Variants in MYL9 observed in about 807,000 individuals in gnomAD.
The protein encoded by MYL9 is myosin light chain 9.
A neutral mutation model predicts 12.8 loss-of-function variants in MYL9; 7 were observed. The ratio of observed to expected loss-of-function variants is 0.55; its 90% confidence interval spans 0.31 to 1.03. The LOEUF is 1.03. MYL9 is among the 50% of genes least tolerant of loss of function. The pLI, the probability that MYL9 is intolerant of heterozygous loss-of-function variation, is 0.05. For synonymous variants in MYL9, 81 were observed against 87.8 expected (o/e 0.92, Z 0.43); for missense variants, 190 against 242.7 (o/e 0.78, Z 1.44).
At chr20:36,545,964 G>A (rs1293054841) in intron 2 of MYL9, among the ~76,000 whole-genome samples, 6 of 152,186 alleles carry the variant, frequency 3.9e-5, no homozygotes, top group African/African-American at 9.7e-5. Flanking sequence ...CTAAATGAAA[G>A]TGTGAACTGC....
intron 1 of MYL9, 22 bp from the exon 2 acceptor site, chr20:36,544,837 C>T: frequency 6.3e-7 from 1 of 1,576,938 alleles, no homozygotes; most frequent in Non-Finnish European, 8.6e-7. Context: ...CAGGGCCACC[C>T]AACCCCCACC....
chr20:36,548,927 C>T (rs1045012993), intron 3 of MYL9, 150 bp from the exon 4 acceptor site: 28 of 812,242 alleles, frequency 3.4e-5, no homozygotes, highest in African/African-American at 8.7e-5. Context: ...CCTCCTGCCA[C>T]GTCCTCATTC....
intron 1 of MYL9, among the ~76,000 whole-genome samples, chr20:36,544,205 T>G (rs1440760310): frequency 6.6e-6 from 1 of 152,146 alleles, no homozygotes; most frequent in East Asian, 1.9e-4. Context: ...AGGATCAGTC[T>G]GTGACCACTC....
chr20:36,542,697 G>T (rs1310833102), intron 1 of MYL9, among the ~76,000 whole-genome samples: 1 of 152,116 alleles, frequency 6.6e-6, no homozygotes, highest in African/African-American at 2.4e-5. Context: ...TGTCTTCCAG[G>T]TGGCCCCTCC....
In MYL9 at chr20:36,548,303, G is replaced by A. The variant is rs545002758; in HGVS notation, c.346+110G>A. ...AGACATCACCCATCTCCCAGGTTCT[G>A]TCACCAGAACTATAAAAGCCAGGCC... On this transcript the variant is annotated intron_variant, in intron 3 of 3. Transcript: ENST00000279022. The A allele has an allele frequency of 2.2e-6, 3 of 1,393,488 alleles. No homozygotes were observed. In the South Asian group the frequency reaches 4.5e-5, roughly 21 times the overall value. 86.3% of individuals were successfully genotyped at this position (1,393,488 alleles called of 1,614,324 possible). A position where few individuals can be genotyped will look rare whatever the true frequency, so the allele number is the denominator to read the frequency against.
rs1323391379 is a variant in MYL9 at position 36,550,811 on chromosome 20, G to C, written c.*1562G>C. 1 of 152,476 alleles carries C rather than the reference G, an allele frequency of 6.6e-6. No individual in the cohort carries two copies. Among genetic ancestry groups the C allele is most frequent in the African/African-American group, 2.4e-5 (1 of 41,452 alleles). 9.4% of individuals were successfully genotyped at this position (152,476 alleles called of 1,614,324 possible). ...CGAGACCCGAACAAGTTCCAAACCA[G>C]GCCCAAATAGTATCCCAAACTCAGT... On this transcript the variant is annotated 3_prime_UTR_variant, in exon 4 of 4. Transcript: ENST00000279022.
chr20:36,545,312 ACG>A (rs2038083112), intron 2 of MYL9, among the ~76,000 whole-genome samples: 1 of 151,764 alleles, frequency 6.6e-6, no homozygotes, highest in East Asian at 1.9e-4. Context: ...CCTGGCTAAC[ACG>A]GTGAAACCCT....
chr20:36,546,376 G>A (rs1373373862), intron 2 of MYL9, among the ~76,000 whole-genome samples: 1 of 152,184 alleles, frequency 6.6e-6, no homozygotes, highest in Non-Finnish European at 1.5e-5. Flanking sequence ...CTCGAGCTTT[G>A]AGGCCAGAGA....
Position 36,548,191 on chromosome 20 carries a change from C to G in MYL9, c.344C>G (p.Ser115Ter). 6.2e-7 allele frequency: 1 copy of G among 1,607,894 alleles called. No homozygotes were observed. Among genetic ancestry groups the G allele is most frequent in the Non-Finnish European group, 8.5e-7 (1 of 1,176,018 alleles). Residue 115 changes from serine (S) to a stop codon, truncating the protein, a stop_gained and splice_region_variant, in exon 3 of 4, where the codon TCA becomes TGA. Transcript: ENST00000279022. LOFTEE classifies it high-confidence loss of function. ...TTTGCCTGCTTCGACGAGGAAGCCT[C>G]AGGTCCGTGGCGCCCCCTACCACCA... ...NAFACFDEEASGFIHEDHLRE... is the reference protein window; with the variant it reads ...NAFACFDEEA
chr20:36,549,139 G>T lies in MYL9; in HGVS notation c.409G>T (p.Glu137Ter). The stretch of plus-strand genomic sequence containing the variant: ...CACCATGGGTGACCGCTTCACAGAT[G>T]AGGAAGTGGACGAGATGTACCGGGA... Reference protein sequence around the residue: ...LTTMGDRFTDEEVDEMYREAP... With the variant: ...LTTMGDRFTD The change falls in exon 4 of 4, where the codon GAG (glutamate) becomes TAG (stop). Residue 137 changes from glutamate to a stop codon, truncating the protein, a stop_gained. Transcript: ENST00000279022. LOFTEE classifies it high-confidence loss of function. The T allele has an allele frequency of 6.2e-7, 1 of 1,613,860 alleles. No individual in the cohort carries two copies. Among genetic ancestry groups the T allele is most frequent in the Non-Finnish European group, 8.5e-7 (1 of 1,180,004 alleles).
rs1353444100 is a variant in MYL9 at position 36,549,139 on chromosome 20, G to A, written c.409G>A (p.Glu137Lys). The change falls in exon 4 of 4, where the codon GAG (glutamate) becomes AAG (lysine). Residue 137 changes from glutamate (E) to lysine (K), a missense_variant. By Grantham distance (56) the Glu-to-Lys change is moderately conservative. Coordinates refer to ENST00000279022, the MANE Select transcript of MYL9 (RefSeq NM_006097.5). ...CACCATGGGTGACCGCTTCACAGAT[G>A]AGGAAGTGGACGAGATGTACCGGGA... is the stretch of plus-strand genomic sequence containing the variant. ...LTTMGDRFTD[E>K]EVDEMYREAP... 1.2e-6 allele frequency: 2 copies of A among 1,613,860 alleles called. No individual in the cohort carries two copies. Among genetic ancestry groups the A allele is most frequent in the Non-Finnish European group, 1.7e-6 (2 of 1,180,004 alleles).
At chr20:36,545,792 G>A (rs2038092728) in intron 2 of MYL9, among the ~76,000 whole-genome samples, 1 of 152,062 alleles carries the variant, frequency 6.6e-6, no homozygotes, top group Admixed American at 6.5e-5. Context: ...AGCTGGGCGT[G>A]GTGGCGGGCG....
intron 1 of MYL9, among the ~76,000 whole-genome samples, chr20:36,542,090 C>T (rs771496503): frequency 5.9e-5 from 9 of 152,150 alleles, no homozygotes; most frequent in African/African-American, 2.2e-4. Context: ...GGGGCCCTTC[C>T]GACACAGCCA....
chr20:36,547,886 G>C (rs956161550), intron 2 of MYL9, 146 bp from the exon 3 acceptor site: 2 of 1,029,682 alleles, frequency 1.9e-6, no homozygotes, highest in East Asian at 2.8e-5. Context: ...GGCTGCGCTA[G>C]AGCCATGCTT....
intron 2 of MYL9, 151 bp from the exon 3 acceptor site, chr20:36,547,881 C>T (rs963063998): frequency 9.1e-6 from 9 of 988,606 alleles, no homozygotes; most frequent in Admixed American, 6.3e-5. Flanking sequence ...GCTGTGGCTG[C>T]GCTAGAGCCA....
chr20:36,541,832 G>T (rs573188056), intron 1 of MYL9, among the ~76,000 whole-genome samples: 1 of 152,200 alleles, frequency 6.6e-6, no homozygotes, highest in African/African-American at 2.4e-5. Flanking sequence ...GAAGGCCATC[G>T]TCCAGGCCCT....
In MYL9 at chr20:36,551,192, T is replaced by G. The variant is rs1479938869; in HGVS notation, c.*1943T>G. 6.6e-6 allele frequency: 1 copy of G among 152,158 alleles called. No homozygotes were observed. Among genetic ancestry groups the G allele is most frequent in the African/African-American group, 2.4e-5 (1 of 41,378 alleles). 9.4% of individuals were successfully genotyped at this position (152,158 alleles called of 1,614,324 possible). ...GAGGTCAGGACCAGTCCAGCCTCAC[T>G]GGCTTCAGAACTGGCCTGGGGGCTA... is the stretch of plus-strand genomic sequence containing the variant. On this transcript the variant is annotated 3_prime_UTR_variant, in exon 4 of 4. Transcript: ENST00000279022.
At chr20:36,541,662 G>C (rs141899833) in intron 1 of MYL9, 101 bp downstream of exon 1, 1,919 of 152,714 alleles carry the variant, frequency 0.013, 14 homozygotes, top group Non-Finnish European at 0.019. Flanking sequence ...GGGGGGCAAA[G>C]GCGGGCCCCA....
intron 1 of MYL9, among the ~76,000 whole-genome samples, chr20:36,542,205 C>T (rs569302324): frequency 1.1e-3 from 170 of 152,254 alleles, no homozygotes; most frequent in Admixed American, 2.4e-3. Flanking sequence ...GGGGGCAGGA[C>T]GAGGACTAGT....
Sources: gnomAD v4.1 joint callset for allele counts (sites outside exome capture counted in the v4.1 genomes callset) on GRCh38, gnomAD v4.1.1 for gene constraint, MANE v1.5 for transcripts, NCBI Gene and HGNC (gene_info 2026-07-23, HGNC 2026-07-21) for gene names.